The following EYS variants were observed in gnomAD, a reference collection of about 807,000 sequenced individuals.
EYS encodes the protein protein eyes shut homolog.
A neutral mutation model predicts 282.1 loss-of-function variants in EYS; 250 were observed. The observed-to-expected ratio is 0.89, with a 90% CI of 0.80 to 0.98. The LOEUF is 0.98. EYS is among the 50% of genes least tolerant of loss of function. The pLI is 0.00. For missense variants in EYS, 4,016 were observed against 3,709.0 expected (o/e 1.08, Z -2.15); for synonymous variants, 1,355 against 1,282.9 (o/e 1.06, Z -1.20).
At chr6:65,340,505 C>G (rs1328408277) in intron 10 of EYS, among the ~76,000 whole-genome samples, 1 of 151,072 alleles carries the variant, frequency 6.6e-6, no homozygotes, top group Non-Finnish European at 1.5e-5. Context: ...ATACTTGCTT[C>G]TGGAACATAA....
At chr6:64,811,556 G>A (rs1160822243) in intron 22 of EYS, among the ~76,000 whole-genome samples, 1 of 152,130 alleles carries the variant, frequency 6.6e-6, no homozygotes, top group Non-Finnish European at 1.5e-5. Context: ...ATGTTGGGAG[G>A]TGGTGCCTGT....
chr6:64,684,345 A>C (rs968655633), intron 22 of EYS, among the ~76,000 whole-genome samples: 3 of 152,160 alleles, frequency 2.0e-5, no homozygotes, highest in African/African-American at 7.2e-5. Context: ...ACCTAAGTAA[A>C]AAAAGATATT....
intron 29 of EYS, among the ~76,000 whole-genome samples, chr6:64,369,546 G>GA (rs1433789128): frequency 6.6e-6 from 1 of 152,094 alleles, no homozygotes; most frequent in African/African-American, 2.4e-5. Context: ...TATGAGCATG[G>GA]AATGTGTTTT....
intron 35 of EYS, among the ~76,000 whole-genome samples, chr6:63,887,314 G>GTTTTTTTT (rs35622877): frequency 4.2e-5 from 5 of 120,224 alleles, no homozygotes; most frequent in Non-Finnish European, 5.0e-5. Flanking sequence ...AATAAAAGGT[G>GTTTTTTTT]TTTTTTTTTT....
intron 12 of EYS, among the ~76,000 whole-genome samples, chr6:65,283,197 C>A (rs1768271808): frequency 6.6e-6 from 1 of 151,890 alleles, no homozygotes; most frequent in Non-Finnish European, 1.5e-5. Context: ...TTTTTCCTAT[C>A]AGAACTCCAT....
At chr6:65,628,674 G>A (rs1197009652) in intron 2 of EYS, among the ~76,000 whole-genome samples, 3 of 151,942 alleles carry the variant, frequency 2.0e-5, no homozygotes, top group Non-Finnish European at 2.9e-5. Context: ...AACACTCACC[G>A]CGAAGGTCTG....
chr6:64,337,198 C>T (rs572018885), intron 29 of EYS, among the ~76,000 whole-genome samples: 2 of 152,036 alleles, frequency 1.3e-5, no homozygotes, highest in Admixed American at 6.6e-5. Flanking sequence ...AAAGCTGGTT[C>T]TTTGAAAAGA....
chr6:65,668,682 T>C (rs1470898665), intron 1 of EYS, among the ~76,000 whole-genome samples: 1 of 151,882 alleles, frequency 6.6e-6, no homozygotes, highest in Admixed American at 6.6e-5. Flanking sequence ...TCTGTCTCTC[T>C]CCCTTTCCAT....
chr6:63,972,371 G>A (rs1178881723), intron 35 of EYS, among the ~76,000 whole-genome samples: 1 of 152,148 alleles, frequency 6.6e-6, no homozygotes, highest in East Asian at 1.9e-4. Context: ...ATGAAAGTGA[G>A]GTTCAGAAAT....
intron 19 of EYS, among the ~76,000 whole-genome samples, chr6:64,850,365 A>G (rs1765843329): frequency 1.3e-5 from 2 of 152,006 alleles, no homozygotes; most frequent in Admixed American, 6.6e-5. Context: ...ATTTGTAGAA[A>G]CTCCATTTCA....
At chr6:64,096,717 G>A (rs1772630622) in intron 31 of EYS, among the ~76,000 whole-genome samples, 2 of 152,160 alleles carry the variant, frequency 1.3e-5, no homozygotes, top group African/African-American at 4.8e-5. Flanking sequence ...TTAGCTCGGT[G>A]TAGTTTGATC....
At chr6:64,809,178 G>T (rs958448174) in intron 22 of EYS, among the ~76,000 whole-genome samples, 1 of 152,010 alleles carries the variant, frequency 6.6e-6, no homozygotes, top group African/African-American at 2.4e-5. Flanking sequence ...TAACAACCAC[G>T]AAGATCAATA....
intron 1 of EYS, among the ~76,000 whole-genome samples, chr6:65,684,073 T>C (rs1022843876): frequency 1.3e-5 from 2 of 152,032 alleles, no homozygotes; most frequent in African/African-American, 4.8e-5. Flanking sequence ...TTAGAATTTA[T>C]TAAAGTCATG....
At chr6:64,537,019 T>TA (rs1369840756) in intron 26 of EYS, among the ~76,000 whole-genome samples, 15 of 151,282 alleles carry the variant, frequency 9.9e-5, no homozygotes, top group Non-Finnish European at 1.3e-4. Flanking sequence ...GTTTTTTTTT[T>TA]ATTATACTTT....
intron 12 of EYS, among the ~76,000 whole-genome samples, chr6:65,241,487 C>A (rs1413326814): frequency 6.6e-6 from 1 of 152,040 alleles, no homozygotes; most frequent in Non-Finnish European, 1.5e-5. Flanking sequence ...CCAACACCCA[C>A]TTTTTTAAAA....
intron 5 of EYS, among the ~76,000 whole-genome samples, chr6:65,481,179 G>A (rs913837553): frequency 1.3e-5 from 2 of 151,982 alleles, no homozygotes; most frequent in African/African-American, 2.4e-5. Flanking sequence ...ACTCTGATTT[G>A]ATCCTTACAT....
intron 5 of EYS, among the ~76,000 whole-genome samples, chr6:65,444,421 G>T (rs1300737763): frequency 2.0e-5 from 3 of 151,938 alleles, no homozygotes; most frequent in Admixed American, 2.0e-4. Context: ...TATATAAAAA[G>T]AACATAAACA....
chr6:64,819,300 T>A (rs1764831339), intron 21 of EYS, among the ~76,000 whole-genome samples: 1 of 152,098 alleles, frequency 6.6e-6, no homozygotes. Flanking sequence ...ACAGAATGAA[T>A]GAGCAAAATT....
intron 1 of EYS, among the ~76,000 whole-genome samples, chr6:65,651,544 A>C (rs1008243729): frequency 7.9e-5 from 12 of 152,000 alleles, no homozygotes; most frequent in African/African-American, 2.9e-4. Flanking sequence ...TAAATATTTC[A>C]AACTTAAATT....
Sources: allele counts gnomAD v4.1 joint callset (sites outside exome capture counted in the v4.1 genomes callset), GRCh38; gene constraint gnomAD v4.1.1; transcripts MANE v1.5; gene names NCBI Gene and HGNC (gene_info 2026-07-23, HGNC 2026-07-21).